The following GRIA3 variants were observed in gnomAD, a reference collection of about 807,000 sequenced individuals.
GRIA3 encodes glutamate receptor 3.
GRIA3 carries 3 observed loss-of-function variants against 63.0 expected under a neutral mutation model. The observed-to-expected ratio is 0.05, with a 90% CI of 0.02 to 0.12. GRIA3 has a LOEUF of 0.12. GRIA3 is among the 10% of genes least tolerant of loss of function. GRIA3 has a pLI of 1.00. For synonymous variants in GRIA3, 274 were observed against 257.9 expected (o/e 1.06, Z -0.60); for missense variants, 347 against 700.9 (o/e 0.50, Z 5.70).
At chrX:123,368,050 C>T (rs1265789032) in intron 5 of GRIA3, among the ~76,000 whole-genome samples, 1 of 111,856 alleles carries the variant, frequency 8.9e-6, no homozygotes, top group Non-Finnish European at 1.9e-5. Flanking sequence ...CTACTCACAA[C>T]AGCATTCATT....
At chrX:123,319,688 A>T (rs1368689405) in intron 3 of GRIA3, among the ~76,000 whole-genome samples, 3 of 111,102 alleles carry the variant, frequency 2.7e-5, no homozygotes, top group Non-Finnish European at 5.7e-5. Flanking sequence ...GCAATTTGTA[A>T]ACCTGGCCTG....
chrX:123,209,303 T>G (rs5911549), intron 2 of GRIA3, among the ~76,000 whole-genome samples: 1 of 112,027 alleles, frequency 8.9e-6, no homozygotes, highest in Non-Finnish European at 1.9e-5. Flanking sequence ...AATGAGATAA[T>G]TATTCAAAGG....
chrX:123,427,342 G>A (rs1203062406), intron 11 of GRIA3, among the ~76,000 whole-genome samples: 5 of 110,349 alleles, frequency 4.5e-5, no homozygotes, highest in African/African-American at 1.3e-4. Context: ...TTAAATGTCT[G>A]TGTCCTACCT....
At chrX:123,456,996 T>C (rs1481601164) in intron 12 of GRIA3, among the ~76,000 whole-genome samples, 6 of 111,731 alleles carry the variant, frequency 5.4e-5, no homozygotes, top group Admixed American at 9.5e-5. Flanking sequence ...TTTATAATTA[T>C]ATTATCTTAA....
intron 3 of GRIA3, among the ~76,000 whole-genome samples, chrX:123,322,340 T>C (rs926276803): frequency 1.8e-5 from 2 of 112,284 alleles, no homozygotes; most frequent in Non-Finnish European, 3.8e-5. Flanking sequence ...GGAAAGTGGA[T>C]AGCGACAGCA....
chrX:123,279,682 C>T (rs1418956319), intron 3 of GRIA3, among the ~76,000 whole-genome samples: 5 of 110,866 alleles, frequency 4.5e-5, no homozygotes, highest in Admixed American at 1.9e-4. Context: ...AAGAAGTAGG[C>T]GGGGAATATT....
intron 3 of GRIA3, among the ~76,000 whole-genome samples, chrX:123,254,649 T>G (rs1320116040): frequency 8.9e-6 from 1 of 112,075 alleles, no homozygotes; most frequent in African/African-American, 3.2e-5. Context: ...TTACTCTCAT[T>G]TTGCTGCATC....
At chrX:123,368,642 C>T (rs1199993781) in intron 5 of GRIA3, among the ~76,000 whole-genome samples, 1 of 110,844 alleles carries the variant, frequency 9.0e-6, no homozygotes, top group East Asian at 2.8e-4. Context: ...ATTACCCCCA[C>T]CCTTTCCCTT....
At chrX:123,429,520 C>A (rs1369247258) in intron 12 of GRIA3, among the ~76,000 whole-genome samples, 1 of 111,813 alleles carries the variant, frequency 8.9e-6, no homozygotes, top group Non-Finnish European at 1.9e-5. Flanking sequence ...ACTACTATGG[C>A]AGTCCCAGAA....
chrX:123,386,636 A>C (rs975544087), intron 5 of GRIA3, among the ~76,000 whole-genome samples: 1 of 111,969 alleles, frequency 8.9e-6, no homozygotes, highest in Admixed American at 9.5e-5. Flanking sequence ...ATTTTTGTAT[A>C]TGATGAAAAA....
chrX:123,198,436 A>G (rs1927631985), intron 2 of GRIA3, among the ~76,000 whole-genome samples: 1 of 112,327 alleles, frequency 8.9e-6, no homozygotes, highest in African/African-American at 3.2e-5. Context: ...TATGTGTTCA[A>G]TATATTAACA....
intron 14 of GRIA3, 151 bp from the exon 15 acceptor site, chrX:123,482,648 C>A: frequency 1.6e-6 from 1 of 624,687 alleles, no homozygotes; most frequent in Non-Finnish European, 2.6e-6. Flanking sequence ...CATTGCAAAA[C>A]ATTAGCCAGT....
At chrX:123,400,866 A>G (rs1050798720) in intron 7 of GRIA3, among the ~76,000 whole-genome samples, 1 of 112,272 alleles carries the variant, frequency 8.9e-6, no homozygotes, top group African/African-American at 3.2e-5. Flanking sequence ...CACAATCTGC[A>G]AATAATGCAA....
intron 4 of GRIA3, among the ~76,000 whole-genome samples, chrX:123,337,243 G>A (rs1425853036): frequency 8.9e-6 from 1 of 112,029 alleles, no homozygotes; most frequent in Non-Finnish European, 1.9e-5. Flanking sequence ...ATACCACCAA[G>A]AGAGTGGCAA....
chrX:123,250,796 T>A (rs1429380687), intron 2 of GRIA3, among the ~76,000 whole-genome samples: 2 of 112,359 alleles, frequency 1.8e-5, no homozygotes, highest in Non-Finnish European at 3.8e-5. Flanking sequence ...ACAAATTATG[T>A]TTTTAGTGTA....
intron 12 of GRIA3, among the ~76,000 whole-genome samples, chrX:123,433,648 A>G (rs1026415061): frequency 8.9e-6 from 1 of 112,011 alleles, no homozygotes; most frequent in Non-Finnish European, 1.9e-5. Context: ...TTCTTTTTTA[A>G]AAATGAAATG....
chrX:123,430,439 A>T (rs2045611394), intron 12 of GRIA3, among the ~76,000 whole-genome samples: 1 of 111,647 alleles, frequency 9.0e-6, no homozygotes, highest in African/African-American at 3.3e-5. Flanking sequence ...TAAAAGCAGC[A>T]TAGAAAAACC....
At chrX:123,328,174 C>A (rs994292464) in intron 4 of GRIA3, among the ~76,000 whole-genome samples, 1 of 111,318 alleles carries the variant, frequency 9.0e-6, no homozygotes, top group Non-Finnish European at 1.9e-5. Context: ...GGACCTTGGG[C>A]ACTTAAATAT....
intron 5 of GRIA3, among the ~76,000 whole-genome samples, chrX:123,364,062 T>C (rs1471453549): frequency 8.9e-6 from 1 of 112,207 alleles, no homozygotes; most frequent in Non-Finnish European, 1.9e-5. Flanking sequence ...AAACCATTGA[T>C]TGCAACCAAA....
Sources: gnomAD v4.1 joint callset for allele counts (sites outside exome capture counted in the v4.1 genomes callset) on GRCh38, gnomAD v4.1.1 for gene constraint, MANE v1.5 for transcripts, NCBI Gene and HGNC (gene_info 2026-07-23, HGNC 2026-07-21) for gene names.